Variants in MROH1 observed in about 807,000 individuals in gnomAD.
MROH1 encodes maestro heat-like repeat-containing protein family member 1.
MROH1 carries 117 observed loss-of-function variants against 116.5 expected under a neutral mutation model. The ratio of observed to expected loss-of-function variants is 1.00; its 90% CI spans 0.86 to 1.17. The LOEUF is 1.17. Ranked by LOEUF, MROH1 falls within the 50% of genes most tolerant of loss-of-function variation. The probability of loss-of-function intolerance (pLI) is 0.00; values close to 1 mark genes in which losing one functional copy is unlikely to be tolerated. For missense variants in MROH1, 1,873 were observed against 1,338.5 expected (o/e 1.40, Z -6.23); for synonymous variants, 921 against 583.9 (o/e 1.58, Z -8.32).
chr8:144,228,431 A>G (rs1039979719), intron 14 of MROH1, among the ~76,000 whole-genome samples: 2 of 152,170 alleles, frequency 1.3e-5, no homozygotes, highest in Non-Finnish European at 2.9e-5. Flanking sequence ...TGGACTGATC[A>G]GGGCGGTGGT....
chr8:144,160,014 C>T (rs560521902), intron 1 of MROH1, among the ~76,000 whole-genome samples: 19 of 152,258 alleles, frequency 1.2e-4, no homozygotes, highest in African/African-American at 4.1e-4. Flanking sequence ...CATGATCCAC[C>T]CGCCTCGGCC....
chr8:144,199,659 C>T (rs1830674653), intron 11 of MROH1, among the ~76,000 whole-genome samples: 1 of 152,218 alleles, frequency 6.6e-6, no homozygotes, highest in South Asian at 2.1e-4. Flanking sequence ...CCTGCACAGG[C>T]CCTCATAGCC....
chr8:144,244,378 GTGGTGGGAGGCCAC>G, intron 27 of MROH1, 42 bp downstream of exon 27: 1 of 723,214 alleles, frequency 1.4e-6, no homozygotes, highest in Non-Finnish European at 2.6e-6. Flanking sequence ...ATCCGTGAGA[GTGGTGGGAGGCCAC>G]TGTAGGCTGC....
chr8:144,149,207 C>T (rs1176425112), intron 1 of MROH1, among the ~76,000 whole-genome samples: 23 of 152,140 alleles, frequency 1.5e-4, no homozygotes, highest in Non-Finnish European at 4.4e-5. Flanking sequence ...GACGTGGCTG[C>T]ATGGACAGTC....
At chr8:144,261,603 A>G in intron 43 of MROH1, 52 bp from the exon 44 acceptor site, 1 of 701,442 alleles carries the variant, frequency 1.4e-6, no homozygotes, top group Non-Finnish European at 2.6e-6. Context: ...ACGCGCAGGC[A>G]TGGGCATGCC....
chr8:144,168,930 A>ATGTCC lies in MROH1; in HGVS notation c.168+497_168+501dup, dbSNP rs1340299671. Among the ~76,000 whole-genome samples the ATGTCC allele has an allele frequency of 3.9e-5, 6 of 152,200 alleles. No homozygotes were observed. In the East Asian group the frequency reaches 1.2e-3, roughly 29 times the overall value. On this transcript the variant is annotated intron_variant, in intron 4 of 43. Coordinates refer to ENST00000326134, the MANE Select transcript of MROH1 (RefSeq NM_032450.3). ...CAGGGCCTTGCCTTGCTGTGCTGGAATGTCCTGTCCTCCCACTCAGGAGAG... is the reference window on the plus strand; with the variant it reads ...CAGGGCCTTGCCTTGCTGTGCTGGAATGTCCTGTCCTGTCCTCCCACTCAGGAGAG...
chr8:144,248,089 G>A (rs1842208200), intron 31 of MROH1, among the ~76,000 whole-genome samples: 1 of 152,230 alleles, frequency 6.6e-6, no homozygotes, highest in African/African-American at 2.4e-5. Context: ...CACGTGGGGG[G>A]CTAGGGTCAT....
chr8:144,239,834 C>T, intron 18 of MROH1, 79 bp downstream of exon 18: 1 of 700,706 alleles, frequency 1.4e-6, no homozygotes. Context: ...AGCTCTGACC[C>T]CACCTTTGCC....
intron 12 of MROH1, among the ~76,000 whole-genome samples, chr8:144,203,398 G>C (rs1238972326): frequency 6.7e-6 from 1 of 149,622 alleles, no homozygotes; most frequent in Non-Finnish European, 1.5e-5. Context: ...ACTCTGTAGA[G>C]GGTCCTGGAG....
At chr8:144,167,804 G>A (rs1484316420) in intron 3 of MROH1, among the ~76,000 whole-genome samples, 1 of 152,166 alleles carries the variant, frequency 6.6e-6, no homozygotes, top group African/African-American at 2.4e-5. Flanking sequence ...TGGACCCTCT[G>A]CCCAGCACCT....
intron 12 of MROH1, among the ~76,000 whole-genome samples, chr8:144,214,714 C>T (rs1244583529): frequency 3.3e-5 from 5 of 152,198 alleles, no homozygotes; most frequent in Non-Finnish European, 7.3e-5. Context: ...GAGGCAACTG[C>T]TCATGGCTCA....
rs1830551540 is a variant in MROH1, at chr8:144,199,172, G to C, written c.999G>C (p.Lys333Asn). The change falls in exon 11 of 44, where the codon AAG (lysine) becomes AAC (asparagine). Residue 333 changes from lysine to asparagine, a missense_variant. Transcript: ENST00000326134. ...SSSPLVMSNQKEVLRCFTVLA... is the reference protein window; with the variant it reads ...SSSPLVMSNQNEVLRCFTVLA... ...GCCCCCTGGTGATGAGTAACCAGAA[G>C]GAGGTGCTGCGCTGCTTCACTGTGC... 2 of 1,613,662 alleles carry C rather than the reference G, an allele frequency of 1.2e-6. No homozygotes were observed. Among genetic ancestry groups the C allele is most frequent in the South Asian group, 2.2e-5 (2 of 91,000 alleles).
chr8:144,178,220 C>T (rs893293270), intron 4 of MROH1, among the ~76,000 whole-genome samples: 1 of 152,102 alleles, frequency 6.6e-6, no homozygotes, highest in African/African-American at 2.4e-5. Flanking sequence ...CAACCTCTGC[C>T]TCCCGGGTTC....
intron 33 of MROH1, among the ~76,000 whole-genome samples, chr8:144,254,257 G>A (rs1843316811): frequency 6.6e-6 from 1 of 152,180 alleles, no homozygotes; most frequent in African/African-American, 2.4e-5. Context: ...TGTCCACTGA[G>A]TACATTAGTG....
chr8:144,162,133 G>A (rs1376309555), intron 2 of MROH1, among the ~76,000 whole-genome samples: 1 of 148,962 alleles, frequency 6.7e-6, no homozygotes, highest in African/African-American at 2.5e-5. Flanking sequence ...CGCCCAGGCT[G>A]GAGTGCAGTG....
rs1161565694 is a variant in MROH1, at chr8:144,200,438, G to A, written c.1038G>A (p.Ser346=). 10 of 1,549,348 alleles carry A rather than the reference G, an allele frequency of 6.5e-6. No homozygotes were observed. In the South Asian group the frequency reaches 8.3e-5, roughly 13 times the overall value. The change falls in exon 12 of 44, where the codon TCG becomes TCA. Residue 346 remains serine (S), a synonymous_variant. Coordinates refer to ENST00000326134, the MANE Select transcript of MROH1 (RefSeq NM_032450.3). ...LRCFTVLACS[S]PDRLLAFLLP... ...CCCGTTGCCCTGTAGCCTGCAGCTCGCCTGACCGCCTACTGGCCTTCCTGC... is the reference window on the plus strand; with the variant it reads ...CCCGTTGCCCTGTAGCCTGCAGCTCACCTGACCGCCTACTGGCCTTCCTGC...
chr8:144,154,050 G>A (rs1817474675), intron 1 of MROH1, among the ~76,000 whole-genome samples: 1 of 151,096 alleles, frequency 6.6e-6, no homozygotes, highest in Non-Finnish European at 1.5e-5. Context: ...GTGAGCCAAA[G>A]CGTCCACCCT....
At chr8:144,250,841 A>G (rs895557137) in intron 33 of MROH1, 206 of 302,552 alleles carry the variant, frequency 6.8e-4, no homozygotes, top group African/African-American at 4.1e-3. Context: ...TGTCTGTACC[A>G]TACATCACTA....
intron 36 of MROH1, 21 bp from the exon 37 acceptor site, chr8:144,259,219 C>T (rs1465267663): frequency 1.5e-5 from 11 of 711,424 alleles, no homozygotes; most frequent in Admixed American, 4.0e-5. Flanking sequence ...CCCCTGCACC[C>T]TCAGCGGCCC....
Sources: allele counts gnomAD v4.1 joint callset (sites outside exome capture counted in the v4.1 genomes callset), GRCh38; gene constraint gnomAD v4.1.1; transcripts MANE v1.5; gene names NCBI Gene and HGNC (gene_info 2026-07-23, HGNC 2026-07-21).